PACRG: variants seen among roughly 807,000 people sequenced by gnomAD.
PACRG encodes parkin coregulated.
Under a neutral mutation model 29.7 loss-of-function variants are expected in PACRG, and 29 were observed. The ratio of observed to expected loss-of-function variants is 0.98; its 90% CI spans 0.73 to 1.33. PACRG has a LOEUF of 1.33. Ranked by LOEUF, PACRG falls within the 40% of genes most tolerant of loss-of-function variation. The pLI, the probability that PACRG is intolerant of heterozygous loss-of-function variation, is 0.00. For missense variants in PACRG, 279 were observed against 316.2 expected (o/e 0.88, Z 0.89); for synonymous variants, 116 against 118.7 (o/e 0.98, Z 0.15).
At chr6:163,163,969 A>G (rs960182826) in intron 4 of PACRG, among the ~76,000 whole-genome samples, 2 of 152,194 alleles carry the variant, frequency 1.3e-5, no homozygotes, top group Non-Finnish European at 2.9e-5. Context: ...TCATGAATCA[A>G]AGAACAGCCT....
chr6:163,177,579 G>A (rs927337339), intron 4 of PACRG, among the ~76,000 whole-genome samples: 2 of 152,186 alleles, frequency 1.3e-5, no homozygotes, highest in South Asian at 4.2e-4. Context: ...AGGAGGCTGC[G>A]GGGACAGAAG....
At chr6:162,982,027 T>A (rs1229898183) in intron 2 of PACRG, among the ~76,000 whole-genome samples, 1 of 151,902 alleles carries the variant, frequency 6.6e-6, no homozygotes, top group African/African-American at 2.4e-5. Flanking sequence ...CTAGGAGGGT[T>A]GTATATTTCC....
At chr6:162,765,954 T>C (rs1483604910) in intron 1 of PACRG, among the ~76,000 whole-genome samples, 1 of 152,216 alleles carries the variant, frequency 6.6e-6, no homozygotes, top group Non-Finnish European at 1.5e-5. Context: ...TGACAAATAA[T>C]ATTTGTGTAT....
At position 162,842,368 on chromosome 6, in the gene PACRG, T is replaced by A. The variant is rs1223950361; in HGVS notation, c.291+28087T>A. Among the ~76,000 whole-genome samples the A allele has an allele frequency of 1.3e-3, 190 of 147,902 alleles. 2 individuals carry two copies. Among genetic ancestry groups the A allele is most frequent in the African/African-American group, 4.5e-3 (182 of 40,238 alleles). On this transcript the variant is annotated intron_variant, in intron 2 of 4. Transcript: ENST00000366888. ...TTATGTAATGGCCTTCTTTGTCTCTTTTGATCTTTGTTGGTTTAAAGTCTG... is the reference window on the plus strand; with the variant it reads ...TTATGTAATGGCCTTCTTTGTCTCTATTGATCTTTGTTGGTTTAAAGTCTG...
At chr6:162,909,683 G>C (rs1020681527) in intron 2 of PACRG, among the ~76,000 whole-genome samples, 1 of 150,816 alleles carries the variant, frequency 6.6e-6, no homozygotes, top group Non-Finnish European at 1.5e-5. Context: ...TCTGGCACAC[G>C]AGTATCATTA....
At chr6:163,180,882 T>C (rs1422014805) in intron 4 of PACRG, among the ~76,000 whole-genome samples, 1 of 152,264 alleles carries the variant, frequency 6.6e-6, no homozygotes, top group Non-Finnish European at 1.5e-5. Context: ...CCGAGCGTTG[T>C]GTGTGTTTCA....
intron 2 of PACRG, among the ~76,000 whole-genome samples, chr6:162,915,165 A>T (rs976752260): frequency 1.3e-5 from 2 of 152,030 alleles, no homozygotes; most frequent in African/African-American, 4.8e-5. Context: ...ATAAATAACC[A>T]TTATCTACTT....
At chr6:163,079,160 T>C (rs1215661275) in intron 3 of PACRG, among the ~76,000 whole-genome samples, 2 of 152,138 alleles carry the variant, frequency 1.3e-5, no homozygotes, top group African/African-American at 4.8e-5. Context: ...TGGTGCCCGA[T>C]CAAGAATAAA....
Position 162,865,180 on chromosome 6 carries a change from C to T in PACRG, c.291+50899C>T, listed in dbSNP as rs113522953. ...GACTGCGGCTCTCAATGATAATTGG[C>T]ATATACTGGTTATTTAAGACCTCAC... On this transcript the variant is annotated intron_variant, in intron 2 of 4. Coordinates refer to ENST00000366888, the MANE Select transcript of PACRG (RefSeq NM_001080379.2). 9.8e-5 allele frequency among the ~76,000 whole-genome samples: 15 copies of T among 152,290 alleles called. 3 individuals carry two copies. Among genetic ancestry groups the T allele is most frequent in the African/African-American group, 3.4e-4 (14 of 41,570 alleles).
At chr6:162,734,082 G>T (rs1779977153) in intron 1 of PACRG, among the ~76,000 whole-genome samples, 1 of 152,120 alleles carries the variant, frequency 6.6e-6, no homozygotes, top group Non-Finnish European at 1.5e-5. Flanking sequence ...ATTAATGAAA[G>T]ACTATATTTT....
chr6:162,737,858 C>T (rs4129785), intron 1 of PACRG, among the ~76,000 whole-genome samples: 12,758 of 151,990 alleles, frequency 0.084, 698 homozygotes, highest in South Asian at 0.22. Flanking sequence ...TATAGGTATA[C>T]ATTTTCCTAA....
At chr6:162,760,276 A>G (rs1782245862) in intron 1 of PACRG, among the ~76,000 whole-genome samples, 1 of 152,208 alleles carries the variant, frequency 6.6e-6, no homozygotes, top group Non-Finnish European at 1.5e-5. Flanking sequence ...TACATGGGAC[A>G]TCAACATCCA....
At chr6:162,939,390 A>G (rs1309520442) in intron 2 of PACRG, among the ~76,000 whole-genome samples, 1 of 152,212 alleles carries the variant, frequency 6.6e-6, no homozygotes, top group African/African-American at 2.4e-5. Flanking sequence ...AATAAAAACA[A>G]AGATAAATAG....
intron 2 of PACRG, among the ~76,000 whole-genome samples, chr6:162,907,394 T>A (rs546486629): frequency 6.6e-6 from 1 of 152,316 alleles, no homozygotes; most frequent in African/African-American, 2.4e-5. Context: ...TTTCTTTCAA[T>A]TGGGCATTTC....
intron 2 of PACRG, among the ~76,000 whole-genome samples, chr6:162,989,257 G>C (rs1221270308): frequency 6.6e-6 from 1 of 152,184 alleles, no homozygotes; most frequent in Admixed American, 6.5e-5. Flanking sequence ...ACTGCAGGAG[G>C]AGAAACAGGG....
chr6:163,145,005 A>C (rs974179875), intron 4 of PACRG, among the ~76,000 whole-genome samples: 1 of 152,086 alleles, frequency 6.6e-6, no homozygotes, highest in Non-Finnish European at 1.5e-5. Context: ...AAGGTAGCTG[A>C]TGCCTCATGC....
chr6:162,826,919 G>A (rs1415876953), intron 2 of PACRG, among the ~76,000 whole-genome samples: 1 of 152,072 alleles, frequency 6.6e-6, no homozygotes, highest in Admixed American at 6.5e-5. Flanking sequence ...TTTGCAGTAA[G>A]TTGCATAACA....
chr6:163,163,568 G>A (rs761417915), intron 4 of PACRG, among the ~76,000 whole-genome samples: 11 of 152,252 alleles, frequency 7.2e-5, no homozygotes, highest in East Asian at 1.9e-4. Flanking sequence ...CACCGTACCC[G>A]GCCTTCAGCT....
chr6:163,045,621 CTTT>C (rs11326242), intron 2 of PACRG, among the ~76,000 whole-genome samples: 12 of 105,870 alleles, frequency 1.1e-4, no homozygotes, highest in South Asian at 3.5e-4. Context: ...CTGCGCCCAG[CTTT>C]TTTTTTTTTT....
Sources: allele counts gnomAD v4.1 joint callset (sites outside exome capture counted in the v4.1 genomes callset), GRCh38; gene constraint gnomAD v4.1.1; transcripts MANE v1.5; gene names NCBI Gene and HGNC (gene_info 2026-07-23, HGNC 2026-07-21).